Variants in SYNRG observed in about 807,000 individuals in gnomAD.
SYNRG encodes synergin gamma.
Under a neutral mutation model 130.9 loss-of-function variants are expected in SYNRG, and 37 were observed. The ratio of observed to expected loss-of-function variants is 0.28; its 90% confidence interval spans 0.22 to 0.37. The LOEUF is 0.37. Ranked by LOEUF, SYNRG falls within the 10% of genes least tolerant of loss-of-function variation. SYNRG has a pLI of 1.00. For missense variants in SYNRG, 1,338 were observed against 1,588.9 expected (o/e 0.84, Z 2.68); for synonymous variants, 539 against 568.1 (o/e 0.95, Z 0.73).
intron 14 of SYNRG, among the ~76,000 whole-genome samples, chr17:37,552,893 T>A (rs917992689): frequency 6.6e-6 from 1 of 152,212 alleles, no homozygotes; most frequent in Admixed American, 6.5e-5. Flanking sequence ...AATAAAAATA[T>A]CTTAGCTACC....
chr17:37,573,421 A>G (rs1328682902), intron 8 of SYNRG, among the ~76,000 whole-genome samples: 2 of 152,126 alleles, frequency 1.3e-5, no homozygotes, highest in East Asian at 1.9e-4. Flanking sequence ...AAACAAACAA[A>G]AAAAACCATA....
chr17:37,552,742 G>T (rs1306070237), intron 14 of SYNRG, among the ~76,000 whole-genome samples: 2 of 152,162 alleles, frequency 1.3e-5, no homozygotes, highest in African/African-American at 2.4e-5. Flanking sequence ...AAAAAGGAGA[G>T]GGAAACACTG....
chr17:37,529,694 T>C (rs2056403949), intron 19 of SYNRG: 1 of 1,276,570 alleles, frequency 7.8e-7, no homozygotes, highest in Non-Finnish European at 1.1e-6. Context: ...CCTCAAGAAG[T>C]AAACGCACAG....
At chr17:37,572,485 A>G (rs575799262) in intron 8 of SYNRG, among the ~76,000 whole-genome samples, 13 of 152,302 alleles carry the variant, frequency 8.5e-5, no homozygotes, top group Admixed American at 8.5e-4. Context: ...TCCAGCAGAC[A>G]ATTAAGAGTC....
chr17:37,583,613 G>C (rs2061489347), intron 6 of SYNRG, among the ~76,000 whole-genome samples: 2 of 152,168 alleles, frequency 1.3e-5, no homozygotes, highest in African/African-American at 4.8e-5. Flanking sequence ...TTCTTGGCTG[G>C]CTAAATGATT....
intron 8 of SYNRG, among the ~76,000 whole-genome samples, chr17:37,575,202 T>C (rs1045220537): frequency 2.0e-5 from 3 of 151,892 alleles, no homozygotes; most frequent in Non-Finnish European, 4.4e-5. Context: ...GGCATAAAAA[T>C]ATAGTTGGAT....
At position 37,567,312 on chromosome 17, in the gene SYNRG, T is replaced by C. The variant is rs148989714; in HGVS notation, c.1481+1479A>G. 7.8e-3 allele frequency: 1,187 copies of C among 152,340 alleles called. 10 individuals are homozygous for C. Among genetic ancestry groups the C allele is most frequent in the Non-Finnish European group, 0.013 (905 of 68,032 alleles). 9.4% of individuals were successfully genotyped at this position (152,340 alleles called of 1,614,324 possible). A position where few individuals can be genotyped will look rare whatever the true frequency, so the allele number is the denominator to read the frequency against. On this transcript the variant is annotated intron_variant, in intron 11 of 21. Coordinates refer to ENST00000612223, the MANE Select transcript of SYNRG (RefSeq NM_007247.6). ...CCAAAGTAAATAGCATGCTTTTAAT[T>C]TGGTGACTGAATATGGTGACATCAT...
chr17:37,527,200 G>A (rs920434214), intron 19 of SYNRG, among the ~76,000 whole-genome samples: 1 of 152,166 alleles, frequency 6.6e-6, no homozygotes, highest in South Asian at 2.1e-4. Flanking sequence ...AAATTCAGGC[G>A]AATAACAACC....
At position 37,596,249 on chromosome 17, in the gene SYNRG, T is replaced by A. The variant is rs1348644376; in HGVS notation, c.214A>T (p.Met72Leu). 1 of 1,614,150 alleles carries A rather than the reference T, an allele frequency of 6.2e-7. No individual in the cohort carries two copies. Among genetic ancestry groups the A allele is most frequent in the Admixed American group, 1.7e-5 (1 of 60,030 alleles). The change falls in exon 3 of 22, where the codon ATG becomes TTG. Residue 72 changes from methionine (M) to leucine (L), a missense_variant. Physicochemically the swap from Met to Leu is conservative, Grantham distance 15. Coordinates refer to ENST00000612223, the MANE Select transcript of SYNRG (RefSeq NM_007247.6). Reference sequence around the variant, plus strand: ...TGCATAGCAATAGGTCCTTGGGACATCTGAGAGCTGTAATTCATTCCCATA... The same window carrying A: ...TGCATAGCAATAGGTCCTTGGGACAACTGAGAGCTGTAATTCATTCCCATA... ...GIMGMNYSSQ[M>L]SQGPIAMQAG...
chr17:37,549,405 T>C (rs1194826023), intron 14 of SYNRG, among the ~76,000 whole-genome samples: 1 of 152,156 alleles, frequency 6.6e-6, no homozygotes, highest in Non-Finnish European at 1.5e-5. Flanking sequence ...CATTGGTCCT[T>C]CTAGAAAATG....
chr17:37,603,995 C>G (rs1239913790), intron 1 of SYNRG, among the ~76,000 whole-genome samples: 1 of 152,158 alleles, frequency 6.6e-6, no homozygotes, highest in African/African-American at 2.4e-5. Context: ...AATTCCAGCA[C>G]TTTGGGAGGC....
At chr17:37,523,885 G>T (rs962348934) in intron 19 of SYNRG, among the ~76,000 whole-genome samples, 1 of 152,166 alleles carries the variant, frequency 6.6e-6, no homozygotes, top group African/African-American at 2.4e-5. Flanking sequence ...GACAGAAGAG[G>T]GCTGACAGGA....
chr17:37,576,048 GATA>G (rs2060810262), intron 8 of SYNRG, among the ~76,000 whole-genome samples: 1 of 151,060 alleles, frequency 6.6e-6, no homozygotes, highest in Non-Finnish European at 1.5e-5. Flanking sequence ...GTAAATATTT[GATA>G]ATGTCCATTA....
chr17:37,606,554 C>T (rs1420037586), intron 1 of SYNRG, among the ~76,000 whole-genome samples: 1 of 152,094 alleles, frequency 6.6e-6, no homozygotes, highest in Non-Finnish European at 1.5e-5. Context: ...CTTTTTAATT[C>T]ATTACAGCAT....
At chr17:37,582,837 A>G (rs571100107) in intron 6 of SYNRG, among the ~76,000 whole-genome samples, 2 of 152,190 alleles carry the variant, frequency 1.3e-5, no homozygotes, top group South Asian at 4.1e-4. Flanking sequence ...CTAGGGCAAT[A>G]GAATGAGACC....
Position 37,600,546 on chromosome 17 carries a change from G to C in SYNRG, c.78-143C>G, listed in dbSNP as rs755000702. 3 of 809,968 alleles carry C rather than the reference G, an allele frequency of 3.7e-6. No individual in the cohort carries two copies. In the Admixed American group the frequency reaches 6.0e-5, roughly 16 times the overall value. The allele number at this position is 809,968 out of a possible 1,614,324, so 50.2% of individuals were successfully genotyped here. ...CACAATACTGAATTGCCCAACATCA[G>C]TACACTGAGCATCCATAGGATGCAT... On this transcript the variant is annotated intron_variant, in intron 1 of 21. Transcript: ENST00000612223.
chr17:37,520,210 T>C lies in SYNRG; in HGVS notation c.3782A>G (p.Glu1261Gly), dbSNP rs2054821260. Residue 1261 changes from glutamate (E) to glycine (G), a missense_variant, in exon 21 of 22, where the codon GAA (glutamate) becomes GGA (glycine). Physicochemically the swap from Glu to Gly is moderately conservative, Grantham distance 98. Transcript: ENST00000612223. The part of the protein sequence containing the change: ...LLNVDSRSRK[E>G]EKPAEEHPKK... ...AGGATGTTCTTCTGCAGGCTTCTCT[T>C]CTTTCTGAAATAACGTTGAAACCAC... The C allele has an allele frequency of 1.9e-6, 3 of 1,614,070 alleles. No individual in the cohort carries two copies. Among genetic ancestry groups the C allele is most frequent in the Non-Finnish European group, 8.5e-7 (1 of 1,180,020 alleles).
chr17:37,601,521 C>T (rs2063282649), intron 1 of SYNRG, among the ~76,000 whole-genome samples: 1 of 152,140 alleles, frequency 6.6e-6, no homozygotes, highest in Non-Finnish European at 1.5e-5. Context: ...AGGACATTCA[C>T]AATATTGTCA....
intron 19 of SYNRG, chr17:37,529,930 G>T: frequency 1.6e-6 from 2 of 1,271,852 alleles, no homozygotes; most frequent in Non-Finnish European, 2.2e-6. Context: ...AGTAAGAACC[G>T]ATTGCCACCC....
Sources: allele counts gnomAD v4.1 joint callset (sites outside exome capture counted in the v4.1 genomes callset), GRCh38; gene constraint gnomAD v4.1.1; transcripts MANE v1.5; gene names NCBI Gene and HGNC (gene_info 2026-07-23, HGNC 2026-07-21).